Variants in CACNB4 observed in about 807,000 individuals in gnomAD.
CACNB4 encodes the protein voltage-dependent L-type calcium channel subunit beta-4.
A neutral mutation model predicts 71.2 loss-of-function variants in CACNB4; 32 were observed. The ratio of observed to expected loss-of-function variants is 0.45; its 90% CI spans 0.34 to 0.60. CACNB4 has a LOEUF of 0.60. Ranked by LOEUF, CACNB4 falls within the 20% of genes least tolerant of loss-of-function variation. CACNB4 has a pLI of 0.01. For synonymous variants in CACNB4, 231 were observed against 236.9 expected (o/e 0.97, Z 0.23); for missense variants, 464 against 647.9 (o/e 0.72, Z 3.08).
intron 9 of CACNB4, chr2:151,868,029 T>A (rs2099843636): frequency 6.6e-6 from 1 of 152,234 alleles, no homozygotes; most frequent in Non-Finnish European, 1.5e-5. Context: ...TAAACTAAAA[T>A]CTGTTTACTA....
At chr2:151,854,871 G>C (rs1054516805) in intron 11 of CACNB4, 1 of 173,664 alleles carries the variant, frequency 5.8e-6, no homozygotes, top group Non-Finnish European at 1.2e-5. Flanking sequence ...ACTAGGTACA[G>C]AGTATGGATG....
intron 2 of CACNB4, among the ~76,000 whole-genome samples, chr2:151,944,904 C>A (rs751621207): frequency 2.0e-5 from 3 of 152,126 alleles, no homozygotes; most frequent in Non-Finnish European, 4.4e-5. Context: ...TAGCAGTAAT[C>A]CAGTTGTGAG....
At position 151,997,922 on chromosome 2, in the gene CACNB4, C is replaced by G. The variant is rs144873883; in HGVS notation, c.147+100408G>C. 4.6e-3 allele frequency among the ~76,000 whole-genome samples: 694 copies of G among 152,330 alleles called. 8 individuals are homozygous for G. The highest frequency in any genetic ancestry group is 0.016 in the African/African-American group (667 of 41,562). ...TTCACTTTCGTGGGAGCCATCATTT[C>G]AGAATATTTCTCAATGTTTTTCAGC... is the stretch of plus-strand genomic sequence containing the variant. On this transcript the variant is annotated intron_variant, in intron 2 of 13. Transcript: ENST00000539935.
chr2:152,085,813 TAA>T (rs765391237), intron 2 of CACNB4, among the ~76,000 whole-genome samples: 11 of 113,866 alleles, frequency 9.7e-5, no homozygotes, highest in Admixed American at 2.0e-4. Context: ...CTGCAGCCAT[TAA>T]AAAAAAAAAA....
chr2:151,880,690 G>A (rs2099847602), intron 4 of CACNB4, 110 bp downstream of exon 4: 1 of 1,112,436 alleles, frequency 9.0e-7, no homozygotes, highest in African/African-American at 1.6e-5. Flanking sequence ...ATTAAATCAT[G>A]TACTGCACTG....
chr2:151,956,434 C>A (rs1226118256), intron 2 of CACNB4, among the ~76,000 whole-genome samples: 1 of 152,200 alleles, frequency 6.6e-6, no homozygotes, highest in Non-Finnish European at 1.5e-5. Context: ...GTGAAAGAAG[C>A]CTACAAAAGG....
chr2:151,875,581 C>CA (rs2099845828), intron 5 of CACNB4, among the ~76,000 whole-genome samples: 1 of 148,518 alleles, frequency 6.7e-6, no homozygotes, highest in African/African-American at 2.5e-5. Context: ...CGGGCAGAGG[C>CA]GCCCCTCACC....
chr2:151,959,025 T>C (rs1467606324), intron 2 of CACNB4, among the ~76,000 whole-genome samples: 3 of 152,192 alleles, frequency 2.0e-5, no homozygotes, highest in Non-Finnish European at 4.4e-5. Context: ...GGTCCAATAA[T>C]TCCTTGGAGT....
At chr2:151,964,906 T>TCA (rs755753863) in intron 2 of CACNB4, among the ~76,000 whole-genome samples, 1 of 150,936 alleles carries the variant, frequency 6.6e-6, no homozygotes, top group Non-Finnish European at 1.5e-5. Flanking sequence ...TCCTAGCACT[T>TCA]CACAAAGGGC....
chr2:152,083,913 G>T (rs1259617454), intron 2 of CACNB4, among the ~76,000 whole-genome samples: 2 of 152,118 alleles, frequency 1.3e-5, no homozygotes, highest in Admixed American at 1.3e-4. Flanking sequence ...CTTTGAAAAC[G>T]CTTCAGGCCC....
At chr2:151,864,899 T>TA (rs1340524449) in intron 9 of CACNB4, among the ~76,000 whole-genome samples, 2 of 152,242 alleles carry the variant, frequency 1.3e-5, no homozygotes, top group Non-Finnish European at 2.9e-5. Context: ...CCTTATGTCC[T>TA]ACTCTCAAAA....
chr2:151,955,374 T>C (rs2099867985), intron 2 of CACNB4, among the ~76,000 whole-genome samples: 1 of 152,182 alleles, frequency 6.6e-6, no homozygotes, highest in Admixed American at 6.5e-5. Context: ...TTCTCTACCC[T>C]TGCATAGTTG....
intron 2 of CACNB4, among the ~76,000 whole-genome samples, chr2:151,988,081 G>A (rs1681470300): frequency 6.6e-6 from 1 of 152,266 alleles, no homozygotes; most frequent in Non-Finnish European, 1.5e-5. Context: ...AAAACACATT[G>A]TTAAAATGAT....
rs564099817 is a variant in CACNB4 at position 151,833,536 on chromosome 2, T to G, written c.*5583A>C. On this transcript the variant is annotated 3_prime_UTR_variant, in exon 14 of 14. Transcript: ENST00000539935. ...AAGAGGAGAAAATATGGTATGAGTG[T>G]TATCACAAAATAAAATTTAATAAAT... The G allele has an allele frequency of 1.6e-4, 24 of 152,124 alleles. No homozygotes were observed. Among genetic ancestry groups the G allele is most frequent in the Admixed American group, 1.6e-3 (24 of 15,286 alleles). 9.4% of individuals were successfully genotyped at this position (152,124 alleles called of 1,614,324 possible).
intron 2 of CACNB4, among the ~76,000 whole-genome samples, chr2:152,004,742 G>A (rs1053995534): frequency 8.5e-5 from 13 of 152,156 alleles, no homozygotes; most frequent in Admixed American, 2.6e-4. Flanking sequence ...TAGCTGGGCT[G>A]GACAATGGGG....
intron 10 of CACNB4, chr2:151,859,182 A>G (rs1472093077): frequency 3.9e-5 from 6 of 152,234 alleles, no homozygotes; most frequent in Non-Finnish European, 8.8e-5. Context: ...TTACAGAGTA[A>G]AGGTAAAAAC....
At chr2:152,088,140 A>AACACAC (rs55688548) in intron 2 of CACNB4, among the ~76,000 whole-genome samples, 16,505 of 136,654 alleles carry the variant, frequency 0.12, 1,213 homozygotes, top group Middle Eastern at 0.15. Context: ...TTCCCCACTT[A>AACACAC]ACACACACAC....
chr2:151,946,190 A>G (rs1015576940), intron 2 of CACNB4, among the ~76,000 whole-genome samples: 8 of 152,054 alleles, frequency 5.3e-5, no homozygotes, highest in Non-Finnish European at 1.0e-4. Context: ...TTAGCCAGGC[A>G]TGGTGGTGGG....
intron 2 of CACNB4, among the ~76,000 whole-genome samples, chr2:152,047,399 CCCCAAG>C (rs1399065850): frequency 6.6e-6 from 1 of 152,190 alleles, no homozygotes; most frequent in Non-Finnish European, 1.5e-5. Flanking sequence ...TTCCTGCTGA[CCCCAAG>C]TTTTCAGATG....
Sources: allele counts gnomAD v4.1 joint callset (sites outside exome capture counted in the v4.1 genomes callset), GRCh38; gene constraint gnomAD v4.1.1; transcripts MANE v1.5; gene names NCBI Gene and HGNC (gene_info 2026-07-23, HGNC 2026-07-21).